Variants in FAM53B observed in about 807,000 individuals in gnomAD.
The protein encoded by FAM53B is family with sequence similarity 53 member B, also known as protein FAM53B.
A neutral mutation model predicts 32.7 loss-of-function variants in FAM53B; 12 were observed. The observed-to-expected ratio is 0.37, with a 90% CI of 0.24 to 0.59. The LOEUF (loss-of-function observed/expected upper bound fraction) is 0.59. FAM53B is among the 20% of genes least tolerant of loss of function. The pLI, the probability that FAM53B is intolerant of heterozygous loss-of-function variation, is 0.72. For synonymous variants in FAM53B, 234 were observed against 228.7 expected, an observed-to-expected ratio of 1.02 and a Z score of -0.21; for missense variants, 477 against 577.7, an observed-to-expected ratio of 0.83 and a Z score of 1.79.
chr10:124,696,397 T>G (rs1012660262), intron 2 of FAM53B, among the ~76,000 whole-genome samples, 185 bp from the exon 3 acceptor site: 3 of 152,162 alleles, frequency 2.0e-5, no homozygotes, highest in African/African-American at 7.2e-5. Context: ...AGATTTTTTG[T>G]CCCAAGTCTC....
intron 1 of FAM53B, among the ~76,000 whole-genome samples, chr10:124,724,840 G>A (rs1048206203): frequency 1.3e-5 from 2 of 152,164 alleles, no homozygotes; most frequent in African/African-American, 2.4e-5. Context: ...TCAGACTCCC[G>A]AGTTACAAAT....
intron 4 of FAM53B, among the ~76,000 whole-genome samples, chr10:124,668,127 G>A (rs781295150): frequency 3.9e-5 from 6 of 152,212 alleles, no homozygotes; most frequent in Non-Finnish European, 8.8e-5. Flanking sequence ...TTTTCCCTGC[G>A]TGAATCAAGC....
At chr10:124,672,714 G>A in intron 4 of FAM53B, among the ~76,000 whole-genome samples, 1 of 152,208 alleles carries the variant, frequency 6.6e-6, no homozygotes, top group Non-Finnish European at 1.5e-5. Context: ...GAGAAGCTTG[G>A]GCAAAGGAGT....
intron 1 of FAM53B, among the ~76,000 whole-genome samples, chr10:124,727,346 G>A (rs1357227371): frequency 2.2e-5 from 1 of 44,824 alleles, no homozygotes; most frequent in Non-Finnish European, 5.5e-5. Context: ...GGGGGGGGGT[G>A]CGGGGGTACA....
At chr10:124,643,684 G>C (rs991177729) in intron 4 of FAM53B, among the ~76,000 whole-genome samples, 1 of 152,244 alleles carries the variant, frequency 6.6e-6, no homozygotes, top group African/African-American at 2.4e-5. Flanking sequence ...CTGCATTCAC[G>C]GCCCGGAGCT....
chr10:124,649,750 T>C (rs774729644), intron 4 of FAM53B, among the ~76,000 whole-genome samples: 6 of 152,178 alleles, frequency 3.9e-5, no homozygotes, highest in Admixed American at 6.5e-5. Context: ...CACTGGGAAG[T>C]GTGCACTTGA....
At position 124,663,425 on chromosome 10, in the gene FAM53B, C is replaced by T. The variant is rs541921598; in HGVS notation, c.906+18182G>A. On this transcript the variant is annotated intron_variant, in intron 4 of 4. Coordinates refer to ENST00000337318, the MANE Select transcript of FAM53B (RefSeq NM_014661.4). ...CTGGAGCGGCTGCCAAGTAAGGCTC[C>T]GGCCCCACCTCTGCAGAACAGGCCC... Among the ~76,000 whole-genome samples the T allele has an allele frequency of 7.7e-4, 117 of 152,344 alleles. 1 individual carries two copies. The highest frequency in any genetic ancestry group is 6.8e-3 in the South Asian group (33 of 4,830).
In FAM53B at chr10:124,623,460, C is replaced by A. The variant is rs200397847; in HGVS notation, c.1051G>T (p.Ala351Ser). The A allele has an allele frequency of 1.3e-6, 2 of 1,588,180 alleles. No individual in the cohort carries two copies. Among genetic ancestry groups the A allele is most frequent in the African/African-American group, 2.7e-5 (2 of 74,578 alleles). The part of the protein sequence containing the change: ...SASGPGGRTP[A>S]GTPVPEPLPP... Reference sequence around the variant, plus strand: ...AGAGGCTCAGGGACCGGGGTCCCAGCGGGGGTCCTGCCCCCTGGGCCGGAG... The same window carrying A: ...AGAGGCTCAGGGACCGGGGTCCCAGAGGGGGTCCTGCCCCCTGGGCCGGAG... The change falls in exon 5 of 5, where the codon GCT (alanine) becomes TCT (serine). Residue 351 changes from alanine to serine, a missense_variant. By Grantham distance (99) the Ala-to-Ser change is moderately conservative (BLOSUM62 1). Coordinates refer to ENST00000337318, the MANE Select transcript of FAM53B (RefSeq NM_014661.4).
rs761733972 is a variant in FAM53B at position 124,681,904 on chromosome 10, C to A, written c.609G>T (p.Pro203=). Residue 203 remains proline (P), a synonymous_variant, in exon 4 of 5, where the codon CCG becomes CCT. Transcript: ENST00000337318. ...TCCAGGTGTCACCTGCCTGTCCACA[C>A]GGGGCTGAGCCTGGCACCCCTTGGC... The part of the protein sequence containing the change: ...QPCQGVPGSA[P]CGQAGDTWSP... The A allele has an allele frequency of 3.1e-6, 5 of 1,613,896 alleles. No individual in the cohort carries two copies. In the South Asian group the frequency reaches 4.4e-5, roughly 14 times the overall value.
Position 124,621,651 on chromosome 10 carries a change from A to G in FAM53B, c.*1591T>C, listed in dbSNP as rs1372576794. ...ACCATCCTTTTGATGTAGTAAAAAA[A>G]TAAGATTTAAACAACGTTTCCCAAA... On this transcript the variant is annotated 3_prime_UTR_variant, in exon 5 of 5. Transcript: ENST00000337318. 6.6e-6 allele frequency: 1 copy of G among 152,258 alleles called. No individual in the cohort carries two copies. Among genetic ancestry groups the G allele is most frequent in the Non-Finnish European group, 1.5e-5 (1 of 68,042 alleles). 9.4% of individuals were successfully genotyped at this position (152,258 alleles called of 1,614,324 possible). A position where few individuals can be genotyped will look rare whatever the true frequency, so the allele number is the denominator to read the frequency against.
In FAM53B at chr10:124,646,950, C is replaced by G. The variant is rs377736260; in HGVS notation, c.907-23346G>C. The stretch of plus-strand genomic sequence containing the variant: ...ATCCCTGGAATCTCACACAGCCAGC[C>G]TCCTGGCCGGGCCATTCCTGGGTAG... On this transcript the variant is annotated intron_variant, in intron 4 of 4. Coordinates refer to ENST00000337318, the MANE Select transcript of FAM53B (RefSeq NM_014661.4). Among the ~76,000 whole-genome samples, 30 of 152,346 alleles carry G rather than the reference C, an allele frequency of 2.0e-4. No homozygotes were observed. In the East Asian group the frequency reaches 5.0e-3, roughly 25 times the overall value.
chr10:124,645,066 A>G lies in FAM53B; in HGVS notation c.907-21462T>C, dbSNP rs189624353. Reference sequence around the variant, plus strand: ...CAGAGGTCACCTTGGGGACCGCAGCAAAGTCATGACCAGGTTTAGCCTCAA... The same window carrying G: ...CAGAGGTCACCTTGGGGACCGCAGCGAAGTCATGACCAGGTTTAGCCTCAA... On this transcript the variant is annotated intron_variant, in intron 4 of 4. Coordinates refer to ENST00000337318, the MANE Select transcript of FAM53B (RefSeq NM_014661.4). 4.6e-5 allele frequency among the ~76,000 whole-genome samples: 7 copies of G among 152,342 alleles called. No individual in the cohort carries two copies. In the East Asian group the frequency reaches 1.4e-3, roughly 29 times the overall value.
chr10:124,682,356 C>T lies in FAM53B; in HGVS notation c.157G>A (p.Asp53Asn), dbSNP rs765900542. 1.2e-6 allele frequency: 2 copies of T among 1,602,110 alleles called. No individual in the cohort carries two copies. Among genetic ancestry groups the T allele is most frequent in the Non-Finnish European group, 8.5e-7 (1 of 1,171,986 alleles). The change falls in exon 4 of 5, where the codon GAC becomes AAC. Residue 53 changes from aspartate to asparagine, a missense_variant. Asp to Asn is a conservative substitution (Grantham distance 23). Coordinates refer to ENST00000337318, the MANE Select transcript of FAM53B (RefSeq NM_014661.4). This position sits in a 1 kb window ranked among gnomAD's most constrained non-coding sequence, Gnocchi z 5.2. Reference sequence around the variant, plus strand: ...TCAATCTGAAGAGGGCATTTCCTGTCCAGGTCTCGCCATCTGTCATTTTCT... The same window carrying T: ...TCAATCTGAAGAGGGCATTTCCTGTTCAGGTCTCGCCATCTGTCATTTTCT... Reference protein sequence around the residue: ...IMENDRWRDLDRKCPLQIDQP... With the variant: ...IMENDRWRDLNRKCPLQIDQP...
At chr10:124,698,434 T>C (rs1043551800) in intron 2 of FAM53B, among the ~76,000 whole-genome samples, 7 of 152,114 alleles carry the variant, frequency 4.6e-5, no homozygotes, top group African/African-American at 1.7e-4. Context: ...CAAGCTGGCA[T>C]GTTCTAGACC....
In FAM53B at chr10:124,623,552, C is replaced by T; in HGVS notation, c.959G>A (p.Cys320Tyr). ...LSCLSAGTED[C>Y]GPQSPFARHV... ...GCGGGCGAAGGGGCTCTGGGGACCG[C>T]AGTCCTCTGTCCCTGCGCTCAGGCA... Residue 320 changes from cysteine (C) to tyrosine (Y), a missense_variant, in exon 5 of 5, where the codon TGC (cysteine) becomes TAC (tyrosine). By Grantham distance (194) the Cys-to-Tyr change is radical. Transcript: ENST00000337318. The T allele has an allele frequency of 6.3e-7, 1 of 1,588,798 alleles. No homozygotes were observed. The highest frequency in any genetic ancestry group is 8.6e-7 in the Non-Finnish European group (1 of 1,168,976).
intron 4 of FAM53B, among the ~76,000 whole-genome samples, chr10:124,626,838 G>C (rs1396630650): frequency 6.6e-6 from 1 of 152,190 alleles, no homozygotes; most frequent in Non-Finnish European, 1.5e-5. Context: ...ATCCACATGG[G>C]CATCACGGCG....
At chr10:124,631,591 A>AAACCCGCCACGCAGGCCAGAGCCCGGCC (rs1949391352) in intron 4 of FAM53B, among the ~76,000 whole-genome samples, 1 of 152,178 alleles carries the variant, frequency 6.6e-6, no homozygotes, top group Non-Finnish European at 1.5e-5. Context: ...TCATCGGGCC[A>AAACCCGCCACGCAGGCCAGAGCCCGGCC]AACCCGCCAC....
chr10:124,692,457 G>A (rs1038964104), intron 3 of FAM53B, among the ~76,000 whole-genome samples: 1 of 152,142 alleles, frequency 6.6e-6, no homozygotes, highest in East Asian at 1.9e-4. Flanking sequence ...GCTCATGCCT[G>A]TAATCCCAGC....
At chr10:124,683,303 G>A (rs1296019124) in intron 3 of FAM53B, among the ~76,000 whole-genome samples, 1 of 152,178 alleles carries the variant, frequency 6.6e-6, no homozygotes, top group Non-Finnish European at 1.5e-5. Flanking sequence ...ATTTGACATA[G>A]TTCTTGTATT....
Sources: gnomAD v4.1 joint callset for allele counts (sites outside exome capture counted in the v4.1 genomes callset) on GRCh38, gnomAD v4.1.1 for gene constraint, Gnocchi (gnomAD v3.1) non-coding constraint, MANE v1.5 for transcripts, NCBI Gene and HGNC (gene_info 2026-07-23, HGNC 2026-07-21) for gene names.